SYCP1: variants seen among roughly 807,000 people sequenced by gnomAD.
The protein encoded by SYCP1 is synaptonemal complex protein 1.
A neutral mutation model predicts 153.1 loss-of-function variants in SYCP1; 64 were observed. The ratio of observed to expected loss-of-function variants is 0.42; its 90% CI spans 0.34 to 0.51. SYCP1 has a LOEUF of 0.51. SYCP1 is among the 20% of genes least tolerant of loss of function. SYCP1 has a pLI of 0.06. For synonymous variants in SYCP1, 384 were observed against 341.8 expected (o/e 1.12, Z -1.36); for missense variants, 997 against 1,049.0 (o/e 0.95, Z 0.68).
chr1:114,880,781 G>A (rs1053883663), intron 12 of SYCP1, among the ~76,000 whole-genome samples: 2 of 152,022 alleles, frequency 1.3e-5, no homozygotes, highest in Admixed American at 6.6e-5. Context: ...GTCCTTTTAT[G>A]TCATTTTGTC....
At chr1:114,864,141 AAG>A (rs1347583911) in intron 8 of SYCP1, among the ~76,000 whole-genome samples, 2 of 152,078 alleles carry the variant, frequency 1.3e-5, no homozygotes, top group African/African-American at 4.8e-5. Flanking sequence ...AAAAAAAAAA[AAG>A]AGTATACAGT....
At chr1:114,858,380 G>A (rs1051775855) in intron 5 of SYCP1, among the ~76,000 whole-genome samples, 167 bp from the exon 6 acceptor site, 1 of 152,032 alleles carries the variant, frequency 6.6e-6, no homozygotes, top group Non-Finnish European at 1.5e-5. Context: ...AGTTAATATT[G>A]CCTTAGTAGT....
At chr1:114,900,333 T>C (rs969755962) in intron 16 of SYCP1, among the ~76,000 whole-genome samples, 1 of 152,082 alleles carries the variant, frequency 6.6e-6, no homozygotes, top group African/African-American at 2.4e-5. Flanking sequence ...CAGGCTGGAG[T>C]GCGGTGGCGT....
At chr1:114,961,706 A>G (rs1427848682) in intron 27 of SYCP1, among the ~76,000 whole-genome samples, 1 of 152,126 alleles carries the variant, frequency 6.6e-6, no homozygotes, top group Non-Finnish European at 1.5e-5. Flanking sequence ...CTGAGAGAGT[A>G]CTTGATATAA....
At chr1:114,881,660 C>A (rs1489430560) in intron 12 of SYCP1, among the ~76,000 whole-genome samples, 1 of 152,014 alleles carries the variant, frequency 6.6e-6, no homozygotes, top group Non-Finnish European at 1.5e-5. Context: ...TGCCACCACA[C>A]CTGGCTAATT....
rs992399532 is a variant in SYCP1 at position 114,855,577 on chromosome 1, A to T, written c.108+5A>T. On this transcript the variant is annotated splice_donor_5th_base_variant and intron_variant, in intron 2 of 31. Transcript: ENST00000369522. ...GGCGATTCCACTTTCTTCAAGGTAA[A>T]TTTCCATGTGACTCTTAATTGGACT... 1.2e-6 allele frequency: 2 copies of T among 1,601,952 alleles called. No homozygotes were observed. Among genetic ancestry groups the T allele is most frequent in the South Asian group, 1.1e-5 (1 of 89,954 alleles).
Position 114,981,524 on chromosome 1 carries a change from A to C in SYCP1, c.2559+12A>C. On this transcript the variant is annotated intron_variant, in intron 29 of 31. Coordinates refer to ENST00000369522, the MANE Select transcript of SYCP1 (RefSeq NM_003176.4). ...CACCATTGCCAAAGGTTTGTGTCTA[A>C]ATTTTCCATGTTAGTAGTAATTTTT... 8 of 1,574,454 alleles carry C rather than the reference A, an allele frequency of 5.1e-6. No homozygotes were observed. Among genetic ancestry groups the C allele is most frequent in the Non-Finnish European group, 6.8e-6 (8 of 1,168,472 alleles).
At chr1:114,916,780 G>C (rs955805304) in intron 20 of SYCP1, among the ~76,000 whole-genome samples, 5 of 151,232 alleles carry the variant, frequency 3.3e-5, no homozygotes, top group Non-Finnish European at 5.9e-5. Flanking sequence ...TATATGAAAG[G>C]TTTCAATTTT....
intron 27 of SYCP1, among the ~76,000 whole-genome samples, chr1:114,949,773 A>G (rs1016326218): frequency 9.2e-5 from 14 of 152,184 alleles, no homozygotes; most frequent in Non-Finnish European, 2.1e-4. Flanking sequence ...CTCCTCACCT[A>G]TTACAATTTA....
At chr1:114,874,943 C>CAT (rs1665406615) in intron 9 of SYCP1, among the ~76,000 whole-genome samples, 1 of 152,156 alleles carries the variant, frequency 6.6e-6, no homozygotes, top group Admixed American at 6.5e-5. Flanking sequence ...TGTAGTCACT[C>CAT]TTTTATGTTT....
At chr1:114,939,687 G>T (rs944606864) in intron 23 of SYCP1, among the ~76,000 whole-genome samples, 3 of 152,186 alleles carry the variant, frequency 2.0e-5, no homozygotes, top group Non-Finnish European at 4.4e-5. Flanking sequence ...TGGAAATTAT[G>T]TCTTGGTTGG....
At chr1:114,884,528 C>T (rs1398239337) in intron 12 of SYCP1, among the ~76,000 whole-genome samples, 3 of 152,122 alleles carry the variant, frequency 2.0e-5, no homozygotes, top group Admixed American at 6.5e-5. Flanking sequence ...CAGTGAGTAC[C>T]CATCAGCACA....
chr1:114,968,824 T>C (rs557026835), intron 27 of SYCP1, among the ~76,000 whole-genome samples: 1 of 152,244 alleles, frequency 6.6e-6, no homozygotes, highest in Non-Finnish European at 1.5e-5. Context: ...TTATCTACTT[T>C]TGGTCTTTGA....
At chr1:114,883,992 A>G (rs1296630178) in intron 12 of SYCP1, among the ~76,000 whole-genome samples, 1 of 152,166 alleles carries the variant, frequency 6.6e-6, no homozygotes, top group Non-Finnish European at 1.5e-5. Context: ...GGCCTGGCCC[A>G]GATTTACTTT....
Position 114,969,907 on chromosome 1 carries a change from C to T in SYCP1, c.2323-7650C>T, listed in dbSNP as rs115652698. Among the ~76,000 whole-genome samples, 1,303 of 152,252 alleles carry T rather than the reference C, an allele frequency of 8.6e-3. 23 individuals are homozygous for T. Among genetic ancestry groups the T allele is most frequent in the African/African-American group, 0.03 (1,228 of 41,536 alleles). The stretch of plus-strand genomic sequence containing the variant: ...CCCTTGGCTAGTAGATGGAGTTCCC[C>T]GGTCCCTTGCACTTCCCAGGTGAGG... On this transcript the variant is annotated intron_variant, in intron 27 of 31. Transcript: ENST00000369522.
chr1:114,880,302 C>T (rs910342115), intron 12 of SYCP1, among the ~76,000 whole-genome samples: 1 of 152,188 alleles, frequency 6.6e-6, no homozygotes, highest in Non-Finnish European at 1.5e-5. Context: ...CCATTCCCTT[C>T]TTCCTGCAGC....
intron 30 of SYCP1, among the ~76,000 whole-genome samples, chr1:114,991,561 C>A (rs796582570): frequency 1.3e-5 from 2 of 151,746 alleles, no homozygotes; most frequent in Non-Finnish European, 2.9e-5. Flanking sequence ...ATAGCCATAT[C>A]ATCATCGTGA....
In SYCP1 at chr1:114,858,608, A is replaced by T. The variant is rs1426344015; in HGVS notation, c.353A>T (p.Lys118Ile). Residue 118 changes from lysine (K) to isoleucine (I), a missense_variant, in exon 6 of 32, where the codon AAA (lysine) becomes ATA (isoleucine). This residue lies in a region of SYCP1 where 285 missense variants were observed against 366.1 expected (regional missense o/e 0.78). Coordinates refer to ENST00000369522, the MANE Select transcript of SYCP1 (RefSeq NM_003176.4). ...KLYKEAEKIK[K>I]WKVSTEAELR... ...TATAAGGAGGCTGAAAAGATAAAAA[A>T]ATGGAAAGTAAGTACAGAAGCTGAA... 5 of 1,613,108 alleles carry T rather than the reference A, an allele frequency of 3.1e-6. 1 individual carries two copies. In the South Asian group the frequency reaches 5.5e-5, roughly 18 times the overall value.
intron 16 of SYCP1, among the ~76,000 whole-genome samples, chr1:114,902,147 A>G (rs1363820931): frequency 6.6e-6 from 1 of 152,176 alleles, no homozygotes; most frequent in Non-Finnish European, 1.5e-5. Context: ...TACCAAAAAA[A>G]GAAAGAAAAG....
Sources: allele counts gnomAD v4.1 joint callset (sites outside exome capture counted in the v4.1 genomes callset), GRCh38; gene constraint gnomAD v4.1.1; regional missense constraint gnomAD v4.1.1; transcripts MANE v1.5; gene names NCBI Gene and HGNC (gene_info 2026-07-23, HGNC 2026-07-21).